Variants in CFAP54 observed in about 807,000 individuals in gnomAD.
The protein encoded by CFAP54 is cilia and flagella associated protein 54.
CFAP54 carries 290 observed loss-of-function variants against 370.4 expected under a neutral mutation model. The ratio of observed to expected loss-of-function variants is 0.78; its 90% CI spans 0.71 to 0.86. CFAP54 has a LOEUF of 0.86. Among genes scored for constraint, CFAP54 ranks in the 40% least tolerant of loss-of-function variants. The pLI is 0.00. For missense variants in CFAP54, 3,399 were observed against 3,528.7 expected, an observed-to-expected ratio of 0.96 and a Z score of 0.93; for synonymous variants, 1,206 against 1,236.5, an observed-to-expected ratio of 0.98 and a Z score of 0.52.
intron 65 of CFAP54, among the ~76,000 whole-genome samples, chr12:96,826,933 A>T (rs111219752): frequency 7.6e-6 from 1 of 131,700 alleles, no homozygotes; most frequent in African/African-American, 2.8e-5. Context: ...TATATATAAT[A>T]TGCAATTATG....
chr12:96,823,557 G>A (rs1959056263), intron 65 of CFAP54, among the ~76,000 whole-genome samples: 1 of 152,182 alleles, frequency 6.6e-6, no homozygotes. Context: ...TGTAGTGGGA[G>A]ATGGCTCAGG....
intron 62 of CFAP54, among the ~76,000 whole-genome samples, chr12:96,789,628 CA>C (rs1234476595): frequency 6.6e-6 from 1 of 152,164 alleles, no homozygotes; most frequent in African/African-American, 2.4e-5. Context: ...GTATTAAGGG[CA>C]GCCTATCATT....
intron 19 of CFAP54, among the ~76,000 whole-genome samples, chr12:96,568,097 A>G (rs910791631): frequency 1.3e-5 from 2 of 149,728 alleles, no homozygotes; most frequent in Non-Finnish European, 1.5e-5. Context: ...ATTGGATTTA[A>G]TTATTTTTCC....
intron 6 of CFAP54, 129 bp downstream of exon 6, chr12:96,519,200 G>A: frequency 1.2e-6 from 1 of 860,120 alleles, no homozygotes; most frequent in African/African-American, 1.7e-5. Flanking sequence ...CCAGGTTCAA[G>A]CGATTCTCCT....
intron 63 of CFAP54, among the ~76,000 whole-genome samples, chr12:96,800,555 G>C (rs774600800): frequency 1.3e-5 from 2 of 152,128 alleles, no homozygotes; most frequent in African/African-American, 2.4e-5. Context: ...AAGAAACACT[G>C]ACCTAGATGC....
chr12:96,804,782 C>T (rs767886338), intron 63 of CFAP54, among the ~76,000 whole-genome samples: 5 of 151,958 alleles, frequency 3.3e-5, no homozygotes, highest in Non-Finnish European at 4.4e-5. Context: ...CTGGAATAGC[C>T]AAAGCAATTC....
chr12:96,673,493 T>C (rs1957171217), intron 39 of CFAP54, among the ~76,000 whole-genome samples: 5 of 152,238 alleles, frequency 3.3e-5, no homozygotes, highest in Admixed American at 3.3e-4. Flanking sequence ...ATTGTTATCA[T>C]TAAAAGGTTA....
chr12:96,621,493 A>G, intron 26 of CFAP54, 97 bp from the exon 27 acceptor site: 1 of 856,032 alleles, frequency 1.2e-6, no homozygotes, highest in East Asian at 3.1e-5. Context: ...TAGACTGAAA[A>G]CTCTATGGGG....
chr12:96,779,667 CAT>C (rs894855262), intron 60 of CFAP54, among the ~76,000 whole-genome samples: 6 of 148,176 alleles, frequency 4.0e-5, no homozygotes, highest in Admixed American at 1.4e-4. Flanking sequence ...TATATATTAA[CAT>C]ATATATATTA....
chr12:96,503,904 T>TA lies in CFAP54; in HGVS notation c.442_443insA (p.Leu148TyrfsTer16). ...GTTTCAGGAATACAAACTGGCCCTT[T>TA]TACAATGCTATGGAAGATATCTTCA... On this transcript the variant is annotated frameshift_variant, in exon 3 of 68. Transcript: ENST00000524981. LOFTEE classifies it high-confidence loss of function. 25 of 1,497,892 alleles carry TA rather than the reference T, an allele frequency of 1.7e-5. No individual in the cohort carries two copies. Among genetic ancestry groups the TA allele is most frequent in the Non-Finnish European group, 2.2e-5 (25 of 1,132,226 alleles). 92.8% of individuals were successfully genotyped at this position (1,497,892 alleles called of 1,614,324 possible). A position where few individuals can be genotyped will look rare whatever the true frequency, so the allele number is the denominator to read the frequency against.
chr12:96,493,193 A>G (rs1254787927), intron 1 of CFAP54, among the ~76,000 whole-genome samples: 3 of 152,100 alleles, frequency 2.0e-5, no homozygotes. Flanking sequence ...TTATACAATA[A>G]TTTTTACTGA....
intron 34 of CFAP54, 95 bp from the exon 35 acceptor site, chr12:96,649,796 A>T: frequency 1.4e-6 from 1 of 713,752 alleles, no homozygotes; most frequent in Non-Finnish European, 2.2e-6. Context: ...AGCATTTGTT[A>T]TCTGAATTAC....
chr12:96,678,176 C>G (rs1381631066), intron 39 of CFAP54, among the ~76,000 whole-genome samples: 1 of 148,214 alleles, frequency 6.7e-6, no homozygotes, highest in Non-Finnish European at 1.5e-5. Flanking sequence ...GATTTCTACT[C>G]CTGACCATTT....
chr12:96,649,482 C>T (rs76977495), intron 34 of CFAP54, among the ~76,000 whole-genome samples: 14,676 of 152,132 alleles, frequency 0.096, 898 homozygotes, highest in Middle Eastern at 0.16. Flanking sequence ...AATGCGTGGC[C>T]GAGGTTGCTG....
chr12:96,704,782 A>G lies in CFAP54; in HGVS notation c.6514A>G (p.Lys2172Glu), dbSNP rs1398913976. The change falls in exon 47 of 68, where the codon AAA (lysine) becomes GAA (glutamate). Residue 2172 changes from lysine to glutamate, a missense_variant. Transcript: ENST00000524981. Reference sequence around the variant, plus strand: ...TGACTCAGGAAAACTTCTTACCAGTAAAGAAAATATACAGGTAAGGATAAT... The same window carrying G: ...TGACTCAGGAAAACTTCTTACCAGTGAAGAAAATATACAGGTAAGGATAAT... ...SFDSGKLLTS[K>E]ENIQAIDELR... is the part of the protein sequence containing the mutation. 6.0e-6 allele frequency: 7 copies of G among 1,169,372 alleles called. No homozygotes were observed. The African/African-American group carries it at 8.1e-5, about 14-fold the overall frequency. The allele number at this position is 1,169,372 out of a possible 1,614,324, so 72.4% of individuals were successfully genotyped here.
chr12:96,833,373 T>C (rs756316363), intron 66 of CFAP54, among the ~76,000 whole-genome samples: 3 of 152,218 alleles, frequency 2.0e-5, no homozygotes, highest in Non-Finnish European at 4.4e-5. Flanking sequence ...CAGCTACGTA[T>C]AGAACATTGG....
rs185398086 is a variant in CFAP54 at position 96,511,839 on chromosome 12, A to G, written c.740-1147A>G. On this transcript the variant is annotated intron_variant, in intron 4 of 67. Transcript: ENST00000524981. The stretch of plus-strand genomic sequence containing the variant: ...TAGAATTCATAATTGTTGAGTTTTT[A>G]TGGTTACGAATATTAGATACTTTAT... Among the ~76,000 whole-genome samples, 468 of 152,356 alleles carry G rather than the reference A, an allele frequency of 3.1e-3. 5 individuals carry two copies. The highest frequency in any genetic ancestry group is 6.4e-3 in the South Asian group (31 of 4,834).
chr12:96,684,797 T>C (rs867539585), intron 41 of CFAP54, 62 bp downstream of exon 41: 3 of 1,368,318 alleles, frequency 2.2e-6, no homozygotes, highest in Non-Finnish European at 2.0e-6. Flanking sequence ...TTTGAAGAAG[T>C]TTTTAATGAA....
intron 66 of CFAP54, among the ~76,000 whole-genome samples, chr12:96,840,358 CT>C (rs1306356440): frequency 1.3e-5 from 2 of 152,218 alleles, no homozygotes; most frequent in Admixed American, 6.5e-5. Flanking sequence ...TTCCACTTCA[CT>C]TTTTTTAGCA....
Sources: gnomAD v4.1 joint callset for allele counts (sites outside exome capture counted in the v4.1 genomes callset) on GRCh38, gnomAD v4.1.1 for gene constraint, MANE v1.5 for transcripts, NCBI Gene and HGNC (gene_info 2026-07-23, HGNC 2026-07-21) for gene names.